Variants in GALNT1 observed in about 807,000 individuals in gnomAD.
GALNT1 encodes polypeptide N-acetylgalactosaminyltransferase 1, also known as GalNAc transferase 1.
In GALNT1, 17 loss-of-function variants were observed where a neutral mutation model predicts 65.7. The observed-to-expected ratio is 0.26, with a 90% confidence interval of 0.18 to 0.39. GALNT1 has a LOEUF of 0.39. Among genes scored for constraint, GALNT1 ranks in the 10% least tolerant of loss-of-function variants. The pLI, the probability that GALNT1 is intolerant of heterozygous loss-of-function variation, is 1.00. For missense variants in GALNT1, 460 were observed against 672.8 expected, an observed-to-expected ratio of 0.68 and a Z score of 3.50; for synonymous variants, 210 against 219.7, an observed-to-expected ratio of 0.96 and a Z score of 0.39.
At chr18:35,622,225 C>A (rs1258580892) in intron 1 of GALNT1, among the ~76,000 whole-genome samples, 1 of 151,638 alleles carries the variant, frequency 6.6e-6, no homozygotes, top group East Asian at 1.9e-4. Context: ...TCTTTCTAAG[C>A]AATTTTCTTC....
chr18:35,615,617 G>T (rs1318272256), intron 1 of GALNT1, among the ~76,000 whole-genome samples: 1 of 152,140 alleles, frequency 6.6e-6, no homozygotes, highest in Non-Finnish European at 1.5e-5. Flanking sequence ...GTAAAGACTA[G>T]TCACAAATAC....
intron 1 of GALNT1, among the ~76,000 whole-genome samples, chr18:35,651,318 A>G (rs1422722916): frequency 6.6e-6 from 1 of 152,202 alleles, no homozygotes; most frequent in Admixed American, 6.5e-5. Flanking sequence ...ATTTTGCACC[A>G]TAACTATTTT....
At chr18:35,691,913 C>T (rs1291384333) in intron 8 of GALNT1, among the ~76,000 whole-genome samples, 3 of 152,090 alleles carry the variant, frequency 2.0e-5, no homozygotes, top group African/African-American at 7.2e-5. Context: ...TTGTTTGTGC[C>T]TTAACATATA....
intron 1 of GALNT1, among the ~76,000 whole-genome samples, chr18:35,625,076 G>A (rs2046899105): frequency 6.6e-6 from 1 of 152,168 alleles, no homozygotes; most frequent in South Asian, 2.1e-4. Context: ...TAACATTGGG[G>A]GTGGAGATGC....
At chr18:35,653,958 G>A (rs1213423042) in intron 1 of GALNT1, among the ~76,000 whole-genome samples, 1 of 152,194 alleles carries the variant, frequency 6.6e-6, no homozygotes, top group Non-Finnish European at 1.5e-5. Flanking sequence ...TTTAGAATGG[G>A]ATTCAGTGTG....
intron 1 of GALNT1, among the ~76,000 whole-genome samples, chr18:35,643,502 G>A (rs542952102): frequency 7.9e-5 from 12 of 152,226 alleles, no homozygotes; most frequent in Middle Eastern, 3.4e-3. Context: ...GGTGGCTCAC[G>A]CCTGTAATCC....
chr18:35,660,135 G>A (rs748257357), intron 2 of GALNT1, among the ~76,000 whole-genome samples: 3 of 152,168 alleles, frequency 2.0e-5, no homozygotes, highest in Non-Finnish European at 4.4e-5. Context: ...CATAAGGACA[G>A]TAAAAATGTT....
intron 2 of GALNT1, among the ~76,000 whole-genome samples, chr18:35,656,701 G>A (rs563387269): frequency 2.6e-5 from 4 of 152,334 alleles, no homozygotes; most frequent in Non-Finnish European, 2.9e-5. Context: ...GCGGCATGGC[G>A]CTGAAGCACT....
chr18:35,688,293 T>G (rs2047900507), intron 6 of GALNT1, among the ~76,000 whole-genome samples: 1 of 152,206 alleles, frequency 6.6e-6, no homozygotes, highest in South Asian at 2.1e-4. Context: ...AAACCTTTTT[T>G]GGAAACAACT....
At chr18:35,606,760 C>T (rs909127868) in intron 1 of GALNT1, among the ~76,000 whole-genome samples, 1 of 151,446 alleles carries the variant, frequency 6.6e-6, no homozygotes, top group Non-Finnish European at 1.5e-5. Context: ...AATGCCAGGT[C>T]AGACTCTTGG....
chr18:35,614,917 A>G (rs2046763886), intron 1 of GALNT1, among the ~76,000 whole-genome samples: 1 of 151,994 alleles, frequency 6.6e-6, no homozygotes, highest in Admixed American at 6.6e-5. Flanking sequence ...CAAGATCTTT[A>G]AATAGAAAGG....
chr18:35,645,963 A>G (rs1367692747), intron 1 of GALNT1, among the ~76,000 whole-genome samples: 1 of 152,198 alleles, frequency 6.6e-6, no homozygotes, highest in Non-Finnish European at 1.5e-5. Context: ...TCTTTGGGTC[A>G]GGAATGGAAG....
intron 1 of GALNT1, among the ~76,000 whole-genome samples, chr18:35,637,343 GA>G (rs2144260678): frequency 6.6e-6 from 1 of 152,320 alleles, no homozygotes. Context: ...GAAAAGTTCT[GA>G]ATGGCAAGGA....
intron 1 of GALNT1, among the ~76,000 whole-genome samples, chr18:35,653,419 A>G (rs1015111201): frequency 1.3e-5 from 2 of 152,206 alleles, no homozygotes; most frequent in Non-Finnish European, 2.9e-5. Flanking sequence ...TCTGTTGGCC[A>G]CCATGGAACT....
chr18:35,589,134 TCCCCA>T (rs2046413869), intron 1 of GALNT1, among the ~76,000 whole-genome samples: 1 of 152,152 alleles, frequency 6.6e-6, no homozygotes, highest in Non-Finnish European at 1.5e-5. Flanking sequence ...AAGTACAGGC[TCCCCA>T]CTTGGCCTTT....
chr18:35,696,432 T>C (rs2048058442), intron 9 of GALNT1, among the ~76,000 whole-genome samples: 1 of 152,262 alleles, frequency 6.6e-6, no homozygotes, highest in African/African-American at 2.4e-5. Flanking sequence ...TGGCTTCAGC[T>C]AACGCTGACG....
intron 7 of GALNT1, among the ~76,000 whole-genome samples, chr18:35,689,685 AT>A (rs911439698): frequency 6.6e-5 from 10 of 151,994 alleles, no homozygotes; most frequent in East Asian, 1.9e-4. Flanking sequence ...TAGTGTGAAA[AT>A]TTTTTTTATA....
At chr18:35,594,868 AG>A (rs1175225482) in intron 1 of GALNT1, among the ~76,000 whole-genome samples, 1 of 152,166 alleles carries the variant, frequency 6.6e-6, no homozygotes, top group Non-Finnish European at 1.5e-5. Context: ...AGGTATAGAC[AG>A]GCAGGTTGGT....
chr18:35,625,825 A>G (rs2046909961), intron 1 of GALNT1, among the ~76,000 whole-genome samples: 1 of 152,162 alleles, frequency 6.6e-6, no homozygotes, highest in African/African-American at 2.4e-5. Context: ...ACTCCAACGC[A>G]GTGTTCTCTT....
Sources: gnomAD v4.1 joint callset for allele counts (sites outside exome capture counted in the v4.1 genomes callset) on GRCh38, gnomAD v4.1.1 for gene constraint, MANE v1.5 for transcripts, NCBI Gene and HGNC (gene_info 2026-07-23, HGNC 2026-07-21) for gene names.